Variants in FKTN observed in about 807,000 individuals in gnomAD.
FKTN encodes the protein ribitol-5-phosphate transferase FKTN.
FKTN carries 47 observed loss-of-function variants against 58.6 expected under a neutral mutation model. The observed-to-expected ratio is 0.80, with a 90% CI of 0.63 to 1.02. FKTN has a LOEUF of 1.02. FKTN is among the 50% of genes least tolerant of loss of function. FKTN has a pLI of 0.00. For synonymous variants in FKTN, 178 were observed against 191.9 expected, an observed-to-expected ratio of 0.93 and a Z score of 0.60; for missense variants, 516 against 537.3, an observed-to-expected ratio of 0.96 and a Z score of 0.39.
chr9:105,582,556 TCTAATGTGTATAG>T (rs1309431792), intron 3 of FKTN, among the ~76,000 whole-genome samples: 2 of 152,158 alleles, frequency 1.3e-5, no homozygotes, highest in Non-Finnish European at 2.9e-5. Context: ...CCACCCAATA[TCTAATGTGTATAG>T]CTGACCTCTA....
At chr9:105,572,534 T>C (rs1840920199) in intron 1 of FKTN, among the ~76,000 whole-genome samples, 1 of 152,196 alleles carries the variant, frequency 6.6e-6, no homozygotes, top group Non-Finnish European at 1.5e-5. Context: ...CAGATAGAGC[T>C]GGCAGAGCAA....
chr9:105,585,409 A>T (rs1324909405), intron 3 of FKTN, among the ~76,000 whole-genome samples: 1 of 152,156 alleles, frequency 6.6e-6, no homozygotes, highest in Admixed American at 6.5e-5. Flanking sequence ...AGAGAGGGAG[A>T]CCCTGTCTCA....
chr9:105,574,875 ATTG>A (rs1342219453), intron 2 of FKTN, 67 bp from the exon 3 acceptor site: 18 of 636,042 alleles, frequency 2.8e-5, no homozygotes, highest in Non-Finnish European at 4.0e-5. Context: ...TCTTTGTTCT[ATTG>A]TTGGTTATTA....
intron 10 of FKTN, among the ~76,000 whole-genome samples, chr9:105,627,663 G>A (rs1341938933): frequency 2.0e-5 from 3 of 151,636 alleles, no homozygotes; most frequent in African/African-American, 7.3e-5. Context: ...GCTCATTCAA[G>A]GGCCTTACGT....
intron 5 of FKTN, among the ~76,000 whole-genome samples, chr9:105,602,042 G>A (rs915563853): frequency 6.6e-6 from 1 of 152,144 alleles, no homozygotes; most frequent in African/African-American, 2.4e-5. Flanking sequence ...ACAGAATGTG[G>A]TAGCTACAAA....
rs71494547 is a variant in FKTN at position 105,615,832 on chromosome 9, A to G, written c.910+425A>G. Among the ~76,000 whole-genome samples, 1,398 of 152,336 alleles carry G rather than the reference A, an allele frequency of 9.2e-3. 23 individuals carry two copies. The highest frequency in any genetic ancestry group is 0.032 in the African/African-American group (1,349 of 41,576). On this transcript the variant is annotated intron_variant, in intron 8 of 10. Coordinates refer to ENST00000357998, the MANE Select transcript of FKTN (RefSeq NM_001079802.2). ...TAGGCACAGTAAGAGATGAACAACAATAAATAATAAAATGGAACAATTTTA... is the reference window on the plus strand; with the variant it reads ...TAGGCACAGTAAGAGATGAACAACAGTAAATAATAAAATGGAACAATTTTA...
chr9:105,623,890 G>T (rs1348631835), intron 10 of FKTN, among the ~76,000 whole-genome samples: 1 of 152,176 alleles, frequency 6.6e-6, no homozygotes, highest in East Asian at 1.9e-4. Flanking sequence ...AGAGAAATTT[G>T]TTAGGTAGAC....
intron 3 of FKTN, among the ~76,000 whole-genome samples, chr9:105,579,468 G>T (rs1842430794): frequency 6.6e-6 from 1 of 151,848 alleles, no homozygotes; most frequent in Non-Finnish European, 1.5e-5. Flanking sequence ...CCATGTAGTT[G>T]AGCGGCTTTG....
At chr9:105,611,173 A>G (rs1305816972) in intron 7 of FKTN, among the ~76,000 whole-genome samples, 1 of 152,172 alleles carries the variant, frequency 6.6e-6, no homozygotes. Context: ...ATTCTTTGAT[A>G]TAAGGTTTGT....
intron 7 of FKTN, among the ~76,000 whole-genome samples, chr9:105,612,281 C>G (rs1306727495): frequency 6.6e-6 from 1 of 151,838 alleles, no homozygotes; most frequent in African/African-American, 2.4e-5. Context: ...GATATTAGAC[C>G]TAATAGTTAA....
At chr9:105,599,217 C>T (rs1462917594) in intron 4 of FKTN, among the ~76,000 whole-genome samples, 1 of 151,986 alleles carries the variant, frequency 6.6e-6, no homozygotes, top group Admixed American at 6.6e-5. Flanking sequence ...TTGTCAAATG[C>T]TTTTTTCTAT....
At position 105,638,043 on chromosome 9, in the gene FKTN, T is replaced by C. The variant is rs1834158575; in HGVS notation, c.*2779T>C. ...AAGTGAAAATCATTCTGCTTTTGAA[T>C]CTTAAAAGCTAGAAAAACCATAATG... On this transcript the variant is annotated 3_prime_UTR_variant, in exon 11 of 11. Transcript: ENST00000357998. The C allele has an allele frequency of 3.1e-6, 3 of 976,904 alleles. No homozygotes were observed. The South Asian group carries it at 1.4e-4, about 46-fold the overall frequency. The allele number at this position is 976,904 out of a possible 1,614,324, so 60.5% of individuals were successfully genotyped here.
At chr9:105,567,886 A>G (rs1425737435) in intron 1 of FKTN, among the ~76,000 whole-genome samples, 2 of 152,242 alleles carry the variant, frequency 1.3e-5, no homozygotes, top group Non-Finnish European at 2.9e-5. Context: ...ACCTGACTTC[A>G]AACTATACTA....
chr9:105,625,738 T>C (rs1832664864), intron 10 of FKTN, among the ~76,000 whole-genome samples: 1 of 152,124 alleles, frequency 6.6e-6, no homozygotes, highest in Non-Finnish European at 1.5e-5. Flanking sequence ...GATTATTATG[T>C]TTTTAATTGA....
At chr9:105,616,089 G>T (rs1196419038) in intron 8 of FKTN, among the ~76,000 whole-genome samples, 2 of 152,278 alleles carry the variant, frequency 1.3e-5, no homozygotes, top group Non-Finnish European at 2.9e-5. Flanking sequence ...TGAAAGATTT[G>T]ATTTAACACT....
rs1833969571 is a variant in FKTN at position 105,635,528 on chromosome 9, A to G, written c.*264A>G. The G allele has an allele frequency of 7.5e-7, 1 of 1,334,912 alleles. No individual in the cohort carries two copies. Among genetic ancestry groups the G allele is most frequent in the Non-Finnish European group, 9.6e-7 (1 of 1,039,642 alleles). The allele number at this position is 1,334,912 out of a possible 1,614,324, so 82.7% of individuals were successfully genotyped here. On this transcript the variant is annotated 3_prime_UTR_variant, in exon 11 of 11. Coordinates refer to ENST00000357998, the MANE Select transcript of FKTN (RefSeq NM_001079802.2). ...TCTTTTATTCCTCCTTTTGGTAAACAACTCAATTTTCCTTTGAGGGAACCC... is the reference window on the plus strand; with the variant it reads ...TCTTTTATTCCTCCTTTTGGTAAACGACTCAATTTTCCTTTGAGGGAACCC...
At chr9:105,585,195 C>A (rs990396417) in intron 3 of FKTN, among the ~76,000 whole-genome samples, 1 of 152,030 alleles carries the variant, frequency 6.6e-6, no homozygotes, top group Non-Finnish European at 1.5e-5. Context: ...GAGGCTTAGG[C>A]GAGAGGATCG....
chr9:105,590,471 A>G (rs1376228884), intron 3 of FKTN, among the ~76,000 whole-genome samples: 2 of 152,212 alleles, frequency 1.3e-5, no homozygotes, highest in Admixed American at 1.3e-4. Context: ...TTAGAAGGCT[A>G]TTCTAGTAAT....
At chr9:105,609,719 A>G (rs568127283) in intron 7 of FKTN, among the ~76,000 whole-genome samples, 1 of 152,270 alleles carries the variant, frequency 6.6e-6, no homozygotes, top group Non-Finnish European at 1.5e-5. Context: ...GATTTAGGTT[A>G]TACTTCTTTA....
Sources: allele counts gnomAD v4.1 joint callset (sites outside exome capture counted in the v4.1 genomes callset), GRCh38; gene constraint gnomAD v4.1.1; transcripts MANE v1.5; gene names NCBI Gene and HGNC (gene_info 2026-07-23, HGNC 2026-07-21).